The following MKNK1 variants were observed in gnomAD, a reference collection of about 807,000 sequenced individuals.
The protein encoded by MKNK1 is MAPK interacting serine/threonine kinase 1, also known as MAP kinase-interacting serine/threonine-protein kinase 1.
A neutral mutation model predicts 49.3 loss-of-function variants in MKNK1; 30 were observed. The observed-to-expected ratio is 0.61, with a 90% confidence interval of 0.46 to 0.83. The LOEUF is 0.83. Ranked by LOEUF, MKNK1 falls within the 40% of genes least tolerant of loss-of-function variation. The pLI, the probability that MKNK1 is intolerant of heterozygous loss-of-function variation, is 0.00. For synonymous variants in MKNK1, 176 were observed against 201.7 expected (o/e 0.87, Z 1.08); for missense variants, 423 against 524.7 (o/e 0.81, Z 1.89).
intron 7 of MKNK1, 145 bp from the exon 8 acceptor site, chr1:46,568,643 C>T: frequency 1.3e-6 from 1 of 743,460 alleles, no homozygotes; most frequent in Non-Finnish European, 2.2e-6. Context: ...CTGCAGGAGG[C>T]AGAAGTAACC....
rs1018130048 is a variant in MKNK1 at position 46,585,679 on chromosome 1, G to A, written c.-2-2350C>T. 19 of 406,864 alleles carry A rather than the reference G, an allele frequency of 4.7e-5. No individual in the cohort carries two copies. The Admixed American group carries it at 5.5e-4, about 12-fold the overall frequency. The allele number at this position is 406,864 out of a possible 1,614,324, so 25.2% of individuals were successfully genotyped here. The stretch of plus-strand genomic sequence containing the variant: ...GGCAGAGCAGAGGAGCAGCAAGAGG[G>A]CTGGAGGCATTATAATTCACAGGGG... On this transcript the variant is annotated intron_variant, in intron 2 of 12. Coordinates refer to ENST00000371945, the MANE Select transcript of MKNK1 (RefSeq NM_001135553.4).
intron 2 of MKNK1, 75 bp from the exon 3 acceptor site, chr1:46,583,404 A>G (rs1672041951): frequency 1.1e-5 from 13 of 1,156,554 alleles, no homozygotes; most frequent in Non-Finnish European, 1.6e-5. Flanking sequence ...AAGGAAAAAA[A>G]AAAGGTAGTG....
intron 2 of MKNK1, among the ~76,000 whole-genome samples, chr1:46,585,029 T>C (rs1672309810): frequency 6.6e-6 from 1 of 151,922 alleles, no homozygotes; most frequent in Admixed American, 6.6e-5. Flanking sequence ...GGTAGGCAGA[T>C]CACTTGAGGT....
At chr1:46,574,811 C>A in intron 6 of MKNK1, 136 bp downstream of exon 6, 1 of 603,446 alleles carries the variant, frequency 1.7e-6, no homozygotes, top group East Asian at 2.8e-5. Context: ...TCCCTTCTCC[C>A]AAATCAAGGG....
Position 46,561,485 on chromosome 1 carries a change from ACCCATGG to A in MKNK1, c.955_961del (p.Pro319CysfsTer25). ...CTCCCTGGAGTCACTCACCCCCTGC[ACCCATGG>A]GTGCTGCAGAACTTGGGCGGCGCTA... On this transcript the variant is annotated frameshift_variant, in exon 11 of 13. Coordinates refer to ENST00000371945, the MANE Select transcript of MKNK1 (RefSeq NM_001135553.4). LOFTEE classifies it high-confidence loss of function. The A allele has an allele frequency of 6.2e-7, 1 of 1,612,280 alleles. No individual in the cohort carries two copies. Among genetic ancestry groups the A allele is most frequent in the Non-Finnish European group, 8.5e-7 (1 of 1,178,804 alleles).
intron 12 of MKNK1, among the ~76,000 whole-genome samples, chr1:46,559,315 T>G (rs1013856502): frequency 6.6e-6 from 1 of 152,198 alleles, no homozygotes. Flanking sequence ...GAGAGTCAGG[T>G]AGGAACCCAA....
chr1:46,564,010 A>G (rs1225295966), intron 9 of MKNK1, among the ~76,000 whole-genome samples: 1 of 86,980 alleles, frequency 1.1e-5, no homozygotes, highest in African/African-American at 4.5e-5. Context: ...ACGCCACTGC[A>G]TTCCAGCCTG....
chr1:46,568,136 A>G, intron 8 of MKNK1: 1 of 236,498 alleles, frequency 4.2e-6, no homozygotes. Flanking sequence ...AAAAAAAAAA[A>G]GTATTTACGA....
chr1:46,570,588 G>A (rs1669934701), intron 7 of MKNK1, among the ~76,000 whole-genome samples: 1 of 152,238 alleles, frequency 6.6e-6, no homozygotes, highest in African/African-American at 2.4e-5. Context: ...TGGGATGTGT[G>A]AGTGGCATGC....
chr1:46,575,431 A>G (rs1471533814), intron 5 of MKNK1: 1 of 162,640 alleles, frequency 6.1e-6, no homozygotes, highest in Non-Finnish European at 1.3e-5. Context: ...CCTCTTGCCC[A>G]TAAATCACGG....
At chr1:46,558,881 C>T in intron 12 of MKNK1, 81 bp from the exon 13 acceptor site, 1 of 1,211,536 alleles carries the variant, frequency 8.3e-7, no homozygotes, top group Non-Finnish European at 1.2e-6. Context: ...CTCCCACTTG[C>T]TGCTGTGGCT....
intron 7 of MKNK1, chr1:46,568,991 A>G (rs1669603376): frequency 6.5e-6 from 1 of 154,376 alleles, no homozygotes; most frequent in African/African-American, 2.4e-5. Context: ...TTAGTTACCA[A>G]ATCTCCCAAA....
At chr1:46,586,916 T>C (rs1026871483) in intron 2 of MKNK1, among the ~76,000 whole-genome samples, 4 of 152,206 alleles carry the variant, frequency 2.6e-5, no homozygotes, top group African/African-American at 9.6e-5. Context: ...CAAGCGATTC[T>C]CCTGCCTCAG....
intron 12 of MKNK1, 26 bp from the exon 13 acceptor site, chr1:46,558,826 A>G (rs764047697): frequency 2.5e-6 from 4 of 1,602,314 alleles, no homozygotes; most frequent in Middle Eastern, 1.7e-4. Flanking sequence ...AAAGCACAGA[A>G]AAGAGGGTCA....
At chr1:46,596,029 T>C (rs1396208688) in intron 1 of MKNK1, among the ~76,000 whole-genome samples, 1 of 152,214 alleles carries the variant, frequency 6.6e-6, no homozygotes, top group Non-Finnish European at 1.5e-5. Flanking sequence ...ATTATGGGCG[T>C]GAGCCACCAC....
chr1:46,564,463 ATTGTTTTTTTT>A (rs1668657075), intron 9 of MKNK1, among the ~76,000 whole-genome samples: 1 of 40,220 alleles, frequency 2.5e-5, no homozygotes, highest in East Asian at 6.7e-4. Flanking sequence ...TGTTTTTTTT[ATTGTTTTTTTT>A]TTTTTTTTTT....
Position 46,568,180 on chromosome 1 carries a change from G to T in MKNK1, c.513+263C>A, listed in dbSNP as rs547963438. On this transcript the variant is annotated intron_variant, in intron 8 of 12. Transcript: ENST00000371945. The stretch of plus-strand genomic sequence containing the variant: ...AACTGATATAAAGATAGATGCATTG[G>T]ACTAGAAAATATTAATTTTGTGCAG... The T allele has an allele frequency of 2.5e-5, 11 of 432,310 alleles. No homozygotes were observed. In the South Asian group the frequency reaches 4.1e-4, roughly 16 times the overall value. The allele number at this position is 432,310 out of a possible 1,614,324, so 26.8% of individuals were successfully genotyped here.
At chr1:46,587,979 C>T (rs1570277684) in intron 2 of MKNK1, among the ~76,000 whole-genome samples, 2 of 152,278 alleles carry the variant, frequency 1.3e-5, no homozygotes, top group Admixed American at 1.3e-4. Context: ...TTAAAAAGTG[C>T]CAACTACATG....
At chr1:46,565,984 C>A (rs1668990431) in intron 8 of MKNK1, among the ~76,000 whole-genome samples, 1 of 152,072 alleles carries the variant, frequency 6.6e-6, no homozygotes, top group Non-Finnish European at 1.5e-5. Context: ...AAATATAAAG[C>A]ATAAAATATG....
Sources: allele counts gnomAD v4.1 joint callset (sites outside exome capture counted in the v4.1 genomes callset), GRCh38; gene constraint gnomAD v4.1.1; transcripts MANE v1.5; gene names NCBI Gene and HGNC (gene_info 2026-07-23, HGNC 2026-07-21).